TAS2R41: variants seen among roughly 807,000 people sequenced by gnomAD.
The protein encoded by TAS2R41 is taste receptor type 2 member 41.
In TAS2R41, 33 loss-of-function variants were observed where a neutral mutation model predicts 25.1. That is an observed-to-expected ratio of 1.31 (90% CI 1.00 to 1.76). TAS2R41 has a LOEUF of 1.76. TAS2R41 is among the 40% of genes most tolerant of loss of function. TAS2R41 has a pLI of 0.00. For missense variants in TAS2R41, 319 were observed against 359.4 expected (o/e 0.89, Z 0.91); for synonymous variants, 151 against 151.6 (o/e 1.00, Z 0.03).
rs1281421331 is a variant in TAS2R41, at chr7:143,477,958, T to C, written c.86T>C (p.Leu29Pro). The C allele has an allele frequency of 3.7e-6, 6 of 1,614,136 alleles. No homozygotes were observed. The highest frequency in any genetic ancestry group is 5.1e-6 in the Non-Finnish European group (6 of 1,180,028). ...ATTGCAGCGAATGGCTTCATTGTGC[T>C]GGTGCTGGGCAGGGAGTGGCTGCGA... Reference protein sequence around the residue: ...LGIAANGFIVLVLGREWLRYG... With the variant: ...LGIAANGFIVPVLGREWLRYG... The change falls in exon 1 of 1, where the codon CTG becomes CCG. Residue 29 changes from leucine (L) to proline (P), a missense_variant. Physicochemically the swap from Leu to Pro is moderately conservative, Grantham distance 98. Transcript: ENST00000408916. The surrounding 1 kb of genome is among the most constrained non-coding windows in gnomAD (Gnocchi z 4.0).
rs199503509 is a variant in TAS2R41, at chr7:143,478,581, A to G, written c.709A>G (p.Ile237Val). The G allele has an allele frequency of 1.2e-5, 20 of 1,613,660 alleles. No individual in the cohort carries two copies. Among genetic ancestry groups the G allele is most frequent in the Admixed American group, 1.7e-5 (1 of 59,978 alleles). The change falls in exon 1 of 1, where the codon ATC becomes GTC. Residue 237 changes from isoleucine to valine, a missense_variant. Coordinates refer to ENST00000408916, the MANE Select transcript of TAS2R41 (RefSeq NM_176883.2). ...QAHTRALKSL[I>V]SFLILYALSF... ...TCACACCAGAGCTCTGAAGTCCCTC[A>G]TCTCCTTCCTCATTCTTTATGCTCT...
At position 143,478,043 on chromosome 7, in the gene TAS2R41, C is replaced by G. The variant is rs1266243723; in HGVS notation, c.171C>G (p.Cys57Trp). ...ILISLGASRF[C>W]LQLVGTVHNF... ...TTAGCTTGGGTGCCTCCCGCTTCTGCCTGCAGTTGGTTGGGACGGTGCACA... is the reference window on the plus strand; with the variant it reads ...TTAGCTTGGGTGCCTCCCGCTTCTGGCTGCAGTTGGTTGGGACGGTGCACA... The change falls in exon 1 of 1, where the codon TGC (cysteine) becomes TGG (tryptophan). Residue 57 changes from cysteine (C) to tryptophan (W), a missense_variant. Cys to Trp is a radical substitution (Grantham distance 215, BLOSUM62 -2). Transcript: ENST00000408916. The G allele has an allele frequency of 1.9e-6, 3 of 1,614,142 alleles. No homozygotes were observed. Among genetic ancestry groups the G allele is most frequent in the South Asian group, 1.1e-5 (1 of 91,078 alleles).
Position 143,478,060 on chromosome 7 carries a change from C to G in TAS2R41, c.188C>G (p.Thr63Arg). 6.2e-7 allele frequency: 1 copy of G among 1,614,082 alleles called. No homozygotes were observed. Among genetic ancestry groups the G allele is most frequent in the Non-Finnish European group, 8.5e-7 (1 of 1,180,014 alleles). The change falls in exon 1 of 1, where the codon ACG (threonine) becomes AGG (arginine). Residue 63 changes from threonine (T) to arginine (R), a missense_variant. Coordinates refer to ENST00000408916, the MANE Select transcript of TAS2R41 (RefSeq NM_176883.2). ...ASRFCLQLVG[T>R]VHNFYYSAQK... The stretch of plus-strand genomic sequence containing the variant: ...CGCTTCTGCCTGCAGTTGGTTGGGA[C>G]GGTGCACAACTTCTACTACTCTGCC...
In TAS2R41 at chr7:143,478,602, G is replaced by T; in HGVS notation, c.730G>T (p.Ala244Ser). The change falls in exon 1 of 1, where the codon GCT becomes TCT. Residue 244 changes from alanine to serine, a missense_variant. Transcript: ENST00000408916. ...KSLISFLILY[A>S]LSFLSLIIDA... ...CCTCATCTCCTTCCTCATTCTTTAT[G>T]CTCTGTCCTTTCTGTCCCTGATCAT... 6.2e-7 allele frequency: 1 copy of T among 1,614,072 alleles called. No homozygotes were observed.
At position 143,477,947 on chromosome 7, in the gene TAS2R41, C is replaced by T; in HGVS notation, c.75C>T (p.Gly25=). 6.2e-7 allele frequency: 1 copy of T among 1,614,090 alleles called. No individual in the cohort carries two copies. Among genetic ancestry groups the T allele is most frequent in the Non-Finnish European group, 8.5e-7 (1 of 1,180,032 alleles). Residue 25 remains glycine (G), a synonymous_variant, in exon 1 of 1, where the codon GGC becomes GGT. Transcript: ENST00000408916. This position sits in a 1 kb window ranked among gnomAD's most constrained non-coding sequence, Gnocchi z 4.0. ...LLSLLGIAAN[G]FIVLVLGREW... Reference sequence around the variant, plus strand: ...GTCTTCTGGGGATTGCAGCGAATGGCTTCATTGTGCTGGTGCTGGGCAGGG... The same window carrying T: ...GTCTTCTGGGGATTGCAGCGAATGGTTTCATTGTGCTGGTGCTGGGCAGGG...
Position 143,478,789 on chromosome 7 carries a change from T to C in TAS2R41, c.917T>C (p.Val306Ala), listed in dbSNP as rs1316023542. 6.2e-7 allele frequency: 1 copy of C among 1,611,308 alleles called. No individual in the cohort carries two copies. The highest frequency in any genetic ancestry group is 1.7e-5 in the Admixed American group (1 of 59,836). Residue 306 changes from valine (V) to alanine (A), a missense_variant, in exon 1 of 1, where the codon GTG becomes GCG. Transcript: ENST00000408916. ...CTGTTGTTGGCAAGGGGCTTCTGGGTGGCCTAGATGGCATGGTTTCCTTAT... is the reference window on the plus strand; with the variant it reads ...CTGTTGTTGGCAAGGGGCTTCTGGGCGGCCTAGATGGCATGGTTTCCTTAT... ...QLLLLARGFW[V>A]A
In TAS2R41 at chr7:143,478,109, T is replaced by C; in HGVS notation, c.237T>C (p.Gly79=). The part of the protein sequence containing the change: ...YSAQKVEYSG[G]LGRQFFHLHW... ...CCCAGAAGGTCGAGTACTCTGGGGG[T>C]CTCGGCCGACAGTTCTTCCATCTAC... The change falls in exon 1 of 1, where the codon GGT becomes GGC. Residue 79 remains glycine (G), a synonymous_variant. Transcript: ENST00000408916. The C allele has an allele frequency of 1.9e-6, 3 of 1,613,172 alleles. No individual in the cohort carries two copies. The highest frequency in any genetic ancestry group is 2.5e-6 in the Non-Finnish European group (3 of 1,179,756).
chr7:143,478,686 G>A lies in TAS2R41; in HGVS notation c.814G>A (p.Val272Ile). Reference protein sequence around the residue: ...NDFYWPWQIAVYLCISVHPFI... With the variant: ...NDFYWPWQIAIYLCISVHPFI... Reference sequence around the variant, plus strand: ...CTTTTACTGGCCATGGCAAATTGCAGTCTACCTGTGCATATCTGTCCATCC... The same window carrying A: ...CTTTTACTGGCCATGGCAAATTGCAATCTACCTGTGCATATCTGTCCATCC... Residue 272 changes from valine to isoleucine, a missense_variant, in exon 1 of 1, where the codon GTC becomes ATC. Transcript: ENST00000408916. 6.2e-7 allele frequency: 1 copy of A among 1,614,110 alleles called. No individual in the cohort carries two copies. Among genetic ancestry groups the A allele is most frequent in the Non-Finnish European group, 8.5e-7 (1 of 1,180,028 alleles).
chr7:143,478,133 A>G lies in TAS2R41; in HGVS notation c.261A>G (p.Leu87=). Reference sequence around the variant, plus strand: ...GTCTCGGCCGACAGTTCTTCCATCTACACTGGCACTTCCTGAACTCAGCCA... The same window carrying G: ...GTCTCGGCCGACAGTTCTTCCATCTGCACTGGCACTTCCTGAACTCAGCCA... ...SGGLGRQFFH[L]HWHFLNSATF... is the part of the protein sequence containing the mutation. Residue 87 remains leucine (L), a synonymous_variant, in exon 1 of 1, where the codon CTA becomes CTG. Coordinates refer to ENST00000408916, the MANE Select transcript of TAS2R41 (RefSeq NM_176883.2). The G allele has an allele frequency of 6.2e-7, 1 of 1,614,032 alleles. No homozygotes were observed. Among genetic ancestry groups the G allele is most frequent in the Non-Finnish European group, 8.5e-7 (1 of 1,180,006 alleles).
chr7:143,478,771 T>C lies in TAS2R41; in HGVS notation c.899T>C (p.Leu300Ser). ...LRSVFSQLLL[L>S]ARGFWVA ...AGCGTGTTCTCGCAGCTCCTGTTGT[T>C]GGCAAGGGGCTTCTGGGTGGCCTAG... The change falls in exon 1 of 1, where the codon TTG becomes TCG. Residue 300 changes from leucine (L) to serine (S), a missense_variant. Transcript: ENST00000408916. 1 of 1,613,568 alleles carries C rather than the reference T, an allele frequency of 6.2e-7. No individual in the cohort carries two copies. Among genetic ancestry groups the C allele is most frequent in the Non-Finnish European group, 8.5e-7 (1 of 1,179,636 alleles).
Position 143,478,289 on chromosome 7 carries a change from G to T in TAS2R41, c.417G>T (p.Leu139=). 2 of 1,613,962 alleles carry T rather than the reference G, an allele frequency of 1.2e-6. No individual in the cohort carries two copies. The highest frequency in any genetic ancestry group is 1.7e-6 in the Non-Finnish European group (2 of 1,179,992). The change falls in exon 1 of 1, where the codon CTG becomes CTT. Residue 139 remains leucine, a synonymous_variant. Coordinates refer to ENST00000408916, the MANE Select transcript of TAS2R41 (RefSeq NM_176883.2). ...CCTGGCTCCTGTTGGGCTCTGTCCT[G>T]ATCTCCTTCATCATAACCCTGCTGT... The part of the protein sequence containing the change: ...WVPWLLLGSV[L]ISFIITLLFF...
Position 143,478,166 on chromosome 7 carries a change from G to A in TAS2R41, c.294G>A (p.Trp98Ter). ...HWHFLNSATFWFCSWLSVLFC... is the reference protein window; with the variant it reads ...HWHFLNSATF ...ACTTCCTGAACTCAGCCACCTTCTG[G>A]TTTTGCAGCTGGCTCAGTGTCCTGT... Residue 98 changes from tryptophan to a stop codon, truncating the protein, a stop_gained, in exon 1 of 1, where the codon TGG becomes TGA. Transcript: ENST00000408916. LOFTEE classifies it high-confidence loss of function. 1 of 1,614,036 alleles carries A rather than the reference G, an allele frequency of 6.2e-7. No homozygotes were observed. The highest frequency in any genetic ancestry group is 8.5e-7 in the Non-Finnish European group (1 of 1,180,014).
At position 143,478,331 on chromosome 7, in the gene TAS2R41, C is replaced by T; in HGVS notation, c.459C>T (p.Tyr153=). ...IITLLFFWVN[Y]PVYQEFLIRK... ...CCCTGCTGTTTTTTTGGGTGAACTA[C>T]CCTGTATATCAAGAATTTTTAATTA... The change falls in exon 1 of 1, where the codon TAC becomes TAT. Residue 153 remains tyrosine, a synonymous_variant. Transcript: ENST00000408916. The T allele has an allele frequency of 6.2e-7, 1 of 1,613,932 alleles. No individual in the cohort carries two copies. The highest frequency in any genetic ancestry group is 1.1e-5 in the South Asian group (1 of 91,070).
Position 143,477,910 on chromosome 7 carries a change from T to A in TAS2R41, c.38T>A (p.Phe13Tyr). The change falls in exon 1 of 1, where the codon TTT becomes TAT. Residue 13 changes from phenylalanine to tyrosine, a missense_variant. Phe to Tyr is a conservative substitution (Grantham distance 22). Coordinates refer to ENST00000408916, the MANE Select transcript of TAS2R41 (RefSeq NM_176883.2). This position sits in a 1 kb window ranked among gnomAD's most constrained non-coding sequence, Gnocchi z 4.0. Reference sequence around the variant, plus strand: ...CTGACGGCCTTCTTCGTGTTGCTCTTTAGCCTGCTGAGTCTTCTGGGGATT... The same window carrying A: ...CTGACGGCCTTCTTCGTGTTGCTCTATAGCCTGCTGAGTCTTCTGGGGATT... Reference protein sequence around the residue: ...AALTAFFVLLFSLLSLLGIAA... With the variant: ...AALTAFFVLLYSLLSLLGIAA... 1 of 1,614,136 alleles carries A rather than the reference T, an allele frequency of 6.2e-7. No homozygotes were observed. Among genetic ancestry groups the A allele is most frequent in the Non-Finnish European group, 8.5e-7 (1 of 1,180,024 alleles).
Position 143,478,227 on chromosome 7 carries a change from T to C in TAS2R41, c.355T>C (p.Phe119Leu). The stretch of plus-strand genomic sequence containing the variant: ...GATTGCTAACATCACACACTCCACC[T>C]TCCTGTGGCTGAAGTGGAGGTTCCC... Reference protein sequence around the residue: ...VKIANITHSTFLWLKWRFPGW... With the variant: ...VKIANITHSTLLWLKWRFPGW... The change falls in exon 1 of 1, where the codon TTC becomes CTC. Residue 119 changes from phenylalanine (F) to leucine (L), a missense_variant. Phe to Leu is a conservative substitution (Grantham distance 22, BLOSUM62 0). Coordinates refer to ENST00000408916, the MANE Select transcript of TAS2R41 (RefSeq NM_176883.2). The C allele has an allele frequency of 6.2e-7, 1 of 1,614,060 alleles. No individual in the cohort carries two copies. Among genetic ancestry groups the C allele is most frequent in the East Asian group, 2.2e-5 (1 of 44,866 alleles).
rs1807054974 is a variant in TAS2R41, at chr7:143,477,877, A to G, written c.5A>G (p.Gln2Arg). ...GGGACTGCAGGAGGGGTCAGAATGC[A>G]AGCAGCACTGACGGCCTTCTTCGTG... Reference protein sequence around the residue: MQAALTAFFVLL... With the variant: MRAALTAFFVLL... Residue 2 changes from glutamine to arginine, a missense_variant, in exon 1 of 1, where the codon CAA (glutamine) becomes CGA (arginine). Transcript: ENST00000408916. This position sits in a 1 kb window ranked among gnomAD's most constrained non-coding sequence, Gnocchi z 4.0. 1 of 1,613,980 alleles carries G rather than the reference A, an allele frequency of 6.2e-7. No homozygotes were observed. The highest frequency in any genetic ancestry group is 1.3e-5 in the African/African-American group (1 of 75,016).
In TAS2R41 at chr7:143,478,563, A is replaced by G. The variant is rs1807078170; in HGVS notation, c.691A>G (p.Arg231Gly). The G allele has an allele frequency of 6.2e-7, 1 of 1,614,006 alleles. No individual in the cohort carries two copies. Among genetic ancestry groups the G allele is most frequent in the Non-Finnish European group, 8.5e-7 (1 of 1,180,024 alleles). The change falls in exon 1 of 1, where the codon AGA becomes GGA. Residue 231 changes from arginine to glycine, a missense_variant. Arg to Gly is a moderately radical substitution (Grantham distance 125, BLOSUM62 -2). Transcript: ENST00000408916. ...LQDPSTQAHT[R>G]ALKSLISFLI... ...GGACCCCAGCACCCAGGCTCACACC[A>G]GAGCTCTGAAGTCCCTCATCTCCTT...
chr7:143,477,892 C>G lies in TAS2R41; in HGVS notation c.20C>G (p.Ala7Gly). The part of the protein sequence containing the change: MQAALT[A>G]FFVLLFSLLS... ...GTCAGAATGCAAGCAGCACTGACGG[C>G]CTTCTTCGTGTTGCTCTTTAGCCTG... Residue 7 changes from alanine to glycine, a missense_variant, in exon 1 of 1, where the codon GCC becomes GGC. Ala to Gly is a moderately conservative substitution (Grantham distance 60, BLOSUM62 0). Transcript: ENST00000408916. The surrounding 1 kb of genome is among the most constrained non-coding windows in gnomAD (Gnocchi z 4.0). The G allele has an allele frequency of 6.2e-7, 1 of 1,614,098 alleles. No individual in the cohort carries two copies. The highest frequency in any genetic ancestry group is 8.5e-7 in the Non-Finnish European group (1 of 1,180,012).
At position 143,478,543 on chromosome 7, in the gene TAS2R41, C is replaced by T. The variant is rs1241546712; in HGVS notation, c.671C>T (p.Pro224Leu). The change falls in exon 1 of 1, where the codon CCC (proline) becomes CTC (leucine). Residue 224 changes from proline to leucine, a missense_variant. Coordinates refer to ENST00000408916, the MANE Select transcript of TAS2R41 (RefSeq NM_176883.2). ...MQHNGHSLQD[P>L]STQAHTRALK... ...CACAACGGGCACAGCCTGCAGGACC[C>T]CAGCACCCAGGCTCACACCAGAGCT... 1.2e-6 allele frequency: 2 copies of T among 1,614,108 alleles called. No homozygotes were observed. The highest frequency in any genetic ancestry group is 1.7e-6 in the Non-Finnish European group (2 of 1,180,012).
Sources: gnomAD v4.1 joint callset for allele counts on GRCh38, gnomAD v4.1.1 for gene constraint, Gnocchi (gnomAD v3.1) non-coding constraint, MANE v1.5 for transcripts, NCBI Gene and HGNC (gene_info 2026-07-23, HGNC 2026-07-21) for gene names.